SPATA6: variants seen among roughly 807,000 people sequenced by gnomAD.
The protein encoded by SPATA6 is spermatogenesis-associated protein 6.
SPATA6 carries 56 observed loss-of-function variants against 65.3 expected under a neutral mutation model. The ratio of observed to expected loss-of-function variants is 0.86; its 90% CI spans 0.69 to 1.07. The LOEUF (loss-of-function observed/expected upper bound fraction) is 1.07. Among genes scored for constraint, SPATA6 ranks in the 50% least tolerant of loss-of-function variants. SPATA6 has a pLI of 0.00. For synonymous variants in SPATA6, 199 were observed against 213.2 expected (o/e 0.93, Z 0.58); for missense variants, 590 against 594.8 (o/e 0.99, Z 0.08).
intron 9 of SPATA6, among the ~76,000 whole-genome samples, chr1:48,373,447 A>G (rs1647526362): frequency 6.6e-6 from 1 of 152,208 alleles, no homozygotes; most frequent in Admixed American, 6.5e-5. Context: ...AAGCCATTCA[A>G]CAAGTCACTA....
chr1:48,320,405 C>G (rs1303023019), intron 11 of SPATA6, among the ~76,000 whole-genome samples: 1 of 152,200 alleles, frequency 6.6e-6, no homozygotes, highest in African/African-American at 2.4e-5. Context: ...TCCAAAACAT[C>G]CGGCAGCAAG....
chr1:48,471,834 G>A, intron 1 of SPATA6, 124 bp downstream of exon 1: 1 of 1,189,712 alleles, frequency 8.4e-7, no homozygotes, highest in Non-Finnish European at 1.2e-6. Context: ...GGGGCGTGAG[G>A]TCGACGCTCC....
chr1:48,437,149 T>A, intron 3 of SPATA6: 1 of 1,602,994 alleles, frequency 6.2e-7, no homozygotes, highest in South Asian at 1.1e-5. Flanking sequence ...ATCAATACCA[T>A]TGCCTCCAGT....
chr1:48,307,566 G>A (rs918271596), intron 11 of SPATA6, among the ~76,000 whole-genome samples: 1 of 151,044 alleles, frequency 6.6e-6, no homozygotes, highest in Non-Finnish European at 1.5e-5. Flanking sequence ...GGTCTTTCTT[G>A]CTTTGTTGCA....
intron 9 of SPATA6, among the ~76,000 whole-genome samples, chr1:48,381,484 A>T (rs1648572790): frequency 6.6e-6 from 1 of 152,076 alleles, no homozygotes; most frequent in Admixed American, 6.5e-5. Flanking sequence ...TTGATTATTT[A>T]ATTGTGCTAT....
intron 5 of SPATA6, among the ~76,000 whole-genome samples, chr1:48,407,301 C>T (rs898131435): frequency 2.6e-5 from 4 of 152,184 alleles, no homozygotes; most frequent in Non-Finnish European, 4.4e-5. Flanking sequence ...TATGCAGTTT[C>T]ACAGTCAGCC....
At chr1:48,443,745 G>C (rs749707644) in intron 3 of SPATA6, among the ~76,000 whole-genome samples, 9 of 152,180 alleles carry the variant, frequency 5.9e-5, no homozygotes, top group Non-Finnish European at 1.2e-4. Context: ...ACAACCTCTG[G>C]AGTTGGGCGA....
At chr1:48,271,159 T>C in the SPATA6 span, among the ~76,000 whole-genome samples, 4 of 152,140 alleles carry the variant, frequency 2.6e-5, no homozygotes, top group East Asian at 7.7e-4. Flanking sequence ...TCAAAACCAT[T>C]GCAGGCAATT....
At chr1:48,458,192 T>C (rs1037633620) in intron 1 of SPATA6, among the ~76,000 whole-genome samples, 4 of 151,952 alleles carry the variant, frequency 2.6e-5, no homozygotes, top group Admixed American at 2.0e-4. Flanking sequence ...AGTGGAAGAA[T>C]AGACAAAATA....
intron 3 of SPATA6, among the ~76,000 whole-genome samples, chr1:48,441,866 A>G (rs1307252117): frequency 6.6e-6 from 1 of 152,198 alleles, no homozygotes; most frequent in Non-Finnish European, 1.5e-5. Context: ...TAAATGGCAT[A>G]CTAGGTGCCA....
At chr1:48,411,630 T>G (rs1652243258) in intron 4 of SPATA6, 42 bp from the exon 5 acceptor site, 1 of 1,449,910 alleles carries the variant, frequency 6.9e-7, no homozygotes, top group Admixed American at 2.3e-5. Context: ...TAATAAAATA[T>G]TCTATTTAGA....
intron 9 of SPATA6, among the ~76,000 whole-genome samples, chr1:48,365,572 G>A (rs1646976130): frequency 1.3e-5 from 2 of 152,228 alleles, no homozygotes; most frequent in Admixed American, 1.3e-4. Context: ...TGGTGAATGG[G>A]AGTTCACTCA....
chr1:48,459,203 T>TC (rs1657236086), intron 1 of SPATA6, among the ~76,000 whole-genome samples: 2 of 29,546 alleles, frequency 6.8e-5, no homozygotes, highest in Admixed American at 8.8e-4. Context: ...AGACTCCATA[T>TC]CAAAAAAAAA....
chr1:48,324,786 C>T (rs565542155), intron 11 of SPATA6, among the ~76,000 whole-genome samples: 10 of 152,168 alleles, frequency 6.6e-5, no homozygotes, highest in East Asian at 1.9e-4. Flanking sequence ...ATCTGTAACA[C>T]GACAAGGATG....
chr1:48,451,826 C>T (rs1021646799), intron 2 of SPATA6, among the ~76,000 whole-genome samples: 1 of 152,172 alleles, frequency 6.6e-6, no homozygotes, highest in African/African-American at 2.4e-5. Context: ...CCTCTTGTTA[C>T]CATGATCATA....
chr1:48,368,686 A>G (rs1647119840), intron 9 of SPATA6, among the ~76,000 whole-genome samples: 3 of 152,044 alleles, frequency 2.0e-5, no homozygotes, highest in Non-Finnish European at 4.4e-5. Flanking sequence ...TATTCTAGTT[A>G]TACATTTGTC....
intron 9 of SPATA6, among the ~76,000 whole-genome samples, chr1:48,371,473 C>A (rs531716987): frequency 2.6e-5 from 4 of 152,290 alleles, no homozygotes; most frequent in South Asian, 2.1e-4. Flanking sequence ...ATACACACTA[C>A]ATTAGTCTAC....
chr1:48,389,635 A>T (rs1271455876), intron 8 of SPATA6, among the ~76,000 whole-genome samples: 3 of 152,206 alleles, frequency 2.0e-5, no homozygotes, highest in Non-Finnish European at 4.4e-5. Flanking sequence ...AAATGCTGAA[A>T]GAAAAAAACC....
chr1:48,335,060 A>G (rs1272484004), intron 11 of SPATA6, among the ~76,000 whole-genome samples: 1 of 152,170 alleles, frequency 6.6e-6, no homozygotes, highest in Non-Finnish European at 1.5e-5. Flanking sequence ...TAAAATACCT[A>G]CAAGTATGGC....
Sources: gnomAD v4.1 joint callset for allele counts (sites outside exome capture counted in the v4.1 genomes callset) on GRCh38, gnomAD v4.1.1 for gene constraint, MANE v1.5 for transcripts, NCBI Gene and HGNC (gene_info 2026-07-23, HGNC 2026-07-21) for gene names.